Variants in TRPS1 observed in about 807,000 individuals in gnomAD.
The protein encoded by TRPS1 is zinc finger transcription factor Trps1.
In TRPS1, 6 loss-of-function variants were observed where a neutral mutation model predicts 101.2. The observed-to-expected ratio is 0.06, with a 90% CI of 0.03 to 0.12. TRPS1 has a LOEUF of 0.12. TRPS1 is among the 10% of genes least tolerant of loss of function. The probability of loss-of-function intolerance (pLI) is 1.00; values close to 1 mark genes in which losing one functional copy is unlikely to be tolerated. For synonymous variants in TRPS1, 578 were observed against 589.8 expected, an observed-to-expected ratio of 0.98 and a Z score of 0.29; for missense variants, 1,363 against 1,567.0, an observed-to-expected ratio of 0.87 and a Z score of 2.20.
At chr8:115,540,255 G>A (rs931728316) in intron 5 of TRPS1, among the ~76,000 whole-genome samples, 1 of 152,208 alleles carries the variant, frequency 6.6e-6, no homozygotes, top group East Asian at 1.9e-4. Flanking sequence ...CAGAAAGCTA[G>A]TGGGAAAGTA....
intron 5 of TRPS1, among the ~76,000 whole-genome samples, chr8:115,454,271 T>C (rs1321436458): frequency 6.6e-6 from 1 of 152,218 alleles, no homozygotes; most frequent in Non-Finnish European, 1.5e-5. Flanking sequence ...TCAAATAGGC[T>C]AGCCTAAGAA....
chr8:115,439,149 T>C (rs1320872931), intron 5 of TRPS1, among the ~76,000 whole-genome samples: 1 of 152,216 alleles, frequency 6.6e-6, no homozygotes, highest in East Asian at 1.9e-4. Flanking sequence ...AGTGTGGTCC[T>C]ACCTGGGACT....
At position 115,664,867 on chromosome 8, in the gene TRPS1, A is replaced by G. The variant is rs567843867; in HGVS notation, c.-122+3678T>C. ...TAAGGAAAGGCAAATACCAAGTGGA[A>G]AGTTGTCAGCCTGTTGAATGAATGG... is the stretch of plus-strand genomic sequence containing the variant. On this transcript the variant is annotated intron_variant, in intron 1 of 6. Transcript: ENST00000395715. Among the ~76,000 whole-genome samples, 22 of 152,270 alleles carry G rather than the reference A, an allele frequency of 1.4e-4. No homozygotes were observed. In the South Asian group the frequency reaches 3.5e-3, roughly 24 times the overall value.
chr8:115,667,770 C>G, intron 1 of TRPS1: 1 of 1,442,404 alleles, frequency 6.9e-7, no homozygotes, highest in Non-Finnish European at 9.3e-7. Flanking sequence ...CATTTGCAAA[C>G]TCTTCAAAGC....
Position 115,412,205 on chromosome 8 carries a change from A to G in TRPS1, c.*1818T>C, listed in dbSNP as rs1029861696. ...AAAAAAAAAAAAGTACTTGGAATGA[A>G]TAAGTGCTACCCTTTTTTTCCTAAG... On this transcript the variant is annotated 3_prime_UTR_variant, in exon 7 of 7. Transcript: ENST00000395715. The G allele has an allele frequency of 2.6e-5, 4 of 152,552 alleles. No individual in the cohort carries two copies. The highest frequency in any genetic ancestry group is 1.3e-4 in the Admixed American group (2 of 15,236). 9.4% of individuals were successfully genotyped at this position (152,552 alleles called of 1,614,324 possible).
chr8:115,422,834 T>C (rs902396741), intron 5 of TRPS1, among the ~76,000 whole-genome samples: 4 of 152,146 alleles, frequency 2.6e-5, no homozygotes, highest in Non-Finnish European at 4.4e-5. Flanking sequence ...TAAGAGACAA[T>C]AATTTGTACC....
At chr8:115,613,031 A>G (rs1818204569) in intron 3 of TRPS1, among the ~76,000 whole-genome samples, 1 of 152,214 alleles carries the variant, frequency 6.6e-6, no homozygotes, top group Non-Finnish European at 1.5e-5. Flanking sequence ...GTGCCTGGTA[A>G]CTAGAAGAGC....
At chr8:115,426,207 C>T (rs1173063470) in intron 5 of TRPS1, among the ~76,000 whole-genome samples, 1 of 152,096 alleles carries the variant, frequency 6.6e-6, no homozygotes, top group Non-Finnish European at 1.5e-5. Flanking sequence ...TACTAAAAGG[C>T]CTTTTGGAGG....
At chr8:115,560,214 C>T (rs1358663919) in intron 5 of TRPS1, among the ~76,000 whole-genome samples, 1 of 152,060 alleles carries the variant, frequency 6.6e-6, no homozygotes, top group Non-Finnish European at 1.5e-5. Flanking sequence ...TCTAAAAAGG[C>T]TATTCCCACA....
chr8:115,620,142 T>C lies in TRPS1; in HGVS notation c.38-82A>G, dbSNP rs1486478334. The C allele has an allele frequency of 1.0e-5, 15 of 1,435,138 alleles. No homozygotes were observed. In the East Asian group the frequency reaches 3.0e-4, roughly 28 times the overall value. The allele number at this position is 1,435,138 out of a possible 1,614,324, so 88.9% of individuals were successfully genotyped here. On this transcript the variant is annotated intron_variant, in intron 2 of 6. Transcript: ENST00000395715. The stretch of plus-strand genomic sequence containing the variant: ...AGTTGAATCTGGAATATTTTACTTA[T>C]GTGAGTTTTTTAAGGTGCATAATCA...
At chr8:115,657,524 T>C (rs1811702402) in intron 1 of TRPS1, among the ~76,000 whole-genome samples, 1 of 152,128 alleles carries the variant, frequency 6.6e-6, no homozygotes, top group Admixed American at 6.6e-5. Context: ...GTTGATAACA[T>C]GACACTTGGC....
chr8:115,530,407 T>C (rs1816101002), intron 5 of TRPS1, among the ~76,000 whole-genome samples: 1 of 152,046 alleles, frequency 6.6e-6, no homozygotes, highest in Middle Eastern at 3.2e-3. Flanking sequence ...AACCTAGGGA[T>C]CTGGTATAGA....
intron 5 of TRPS1, among the ~76,000 whole-genome samples, chr8:115,431,022 T>G (rs1158541883): frequency 6.6e-6 from 1 of 151,992 alleles, no homozygotes; most frequent in African/African-American, 2.4e-5. Flanking sequence ...AGGAGGAAAA[T>G]AAGACACTGA....
chr8:115,463,406 G>T (rs1044057573), intron 5 of TRPS1, among the ~76,000 whole-genome samples: 1 of 152,128 alleles, frequency 6.6e-6, no homozygotes, highest in Non-Finnish European at 1.5e-5. Flanking sequence ...GAAATAAAAT[G>T]CAATGTCTTT....
chr8:115,428,481 T>C (rs1425548313), intron 5 of TRPS1, among the ~76,000 whole-genome samples: 1 of 152,212 alleles, frequency 6.6e-6, no homozygotes, highest in Non-Finnish European at 1.5e-5. Context: ...AACGCAGCCT[T>C]GAGTCTGCTC....
intron 4 of TRPS1, among the ~76,000 whole-genome samples, chr8:115,592,680 C>G (rs754186162): frequency 2.7e-5 from 2 of 75,228 alleles, no homozygotes; most frequent in Non-Finnish European, 5.1e-5. Flanking sequence ...TTTCAATAAC[C>G]TATACTAAAA....
At chr8:115,642,641 A>G (rs893422827) in intron 1 of TRPS1, among the ~76,000 whole-genome samples, 2 of 151,940 alleles carry the variant, frequency 1.3e-5, no homozygotes, top group Non-Finnish European at 1.5e-5. Flanking sequence ...AATTAGGGAC[A>G]CCTTTTCTAT....
chr8:115,438,075 T>A (rs1006266485), intron 5 of TRPS1, among the ~76,000 whole-genome samples: 16 of 151,736 alleles, frequency 1.1e-4, no homozygotes, highest in Non-Finnish European at 1.2e-4. Flanking sequence ...TACACAAGAG[T>A]CAAATTTAAA....
At chr8:115,546,219 T>G (rs1186501098) in intron 5 of TRPS1, among the ~76,000 whole-genome samples, 4 of 151,632 alleles carry the variant, frequency 2.6e-5, no homozygotes, top group Non-Finnish European at 5.9e-5. Flanking sequence ...ATTCTTGCAT[T>G]TAATTAAATA....
Sources: gnomAD v4.1 joint callset for allele counts (sites outside exome capture counted in the v4.1 genomes callset) on GRCh38, gnomAD v4.1.1 for gene constraint, MANE v1.5 for transcripts, NCBI Gene and HGNC (gene_info 2026-07-23, HGNC 2026-07-21) for gene names.